Variants in RBFOX1 observed in about 807,000 individuals in gnomAD.
RBFOX1 encodes RNA binding protein fox-1 homolog 1.
Under a neutral mutation model 57.7 loss-of-function variants are expected in RBFOX1, and 8 were observed. The observed-to-expected ratio is 0.14, with a 90% CI of 0.08 to 0.25. The LOEUF is 0.25. Ranked by LOEUF, RBFOX1 falls within the 10% of genes least tolerant of loss-of-function variation. The pLI, the probability that RBFOX1 is intolerant of heterozygous loss-of-function variation, is 1.00. For missense variants in RBFOX1, 611 were observed against 548.5 expected (o/e 1.11, Z -1.14); for synonymous variants, 326 against 222.4 (o/e 1.47, Z -4.15).
intron 1 of RBFOX1, among the ~76,000 whole-genome samples, chr16:6,205,274 A>G (rs2097247302): frequency 6.6e-6 from 1 of 152,188 alleles, no homozygotes; most frequent in Admixed American, 6.5e-5. Flanking sequence ...AATGTTGCCT[A>G]GAAGAAAGGG....
chr16:7,276,649 G>A (rs1944761178), intron 4 of RBFOX1, among the ~76,000 whole-genome samples: 1 of 149,950 alleles, frequency 6.7e-6, no homozygotes, highest in African/African-American at 2.4e-5. Context: ...CAAATTCCTG[G>A]GCAGGTTACC....
At chr16:7,021,435 T>C (rs1382074434) in intron 3 of RBFOX1, among the ~76,000 whole-genome samples, 2 of 146,394 alleles carry the variant, frequency 1.4e-5, no homozygotes, top group Non-Finnish European at 3.0e-5. Context: ...TTTGTATATA[T>C]GTTTTATATA....
chr16:5,304,560 C>G (rs1290636483), intron 1 of RBFOX1, among the ~76,000 whole-genome samples: 2 of 152,198 alleles, frequency 1.3e-5, no homozygotes, highest in Admixed American at 6.5e-5. Context: ...TGTGTTCACC[C>G]ATTCATTCAT....
intron 10 of RBFOX1, among the ~76,000 whole-genome samples, chr16:7,630,397 C>T (rs2060755995): frequency 6.7e-6 from 1 of 148,372 alleles, no homozygotes; most frequent in South Asian, 2.3e-4. Context: ...ATGACGTGTG[C>T]TTGGTGGGCC....
chr16:7,555,722 T>A (rs2088181504), intron 5 of RBFOX1, among the ~76,000 whole-genome samples: 1 of 152,148 alleles, frequency 6.6e-6, no homozygotes, highest in Non-Finnish European at 1.5e-5. Context: ...GACTGGGCTA[T>A]TATTGCCTGA....
intron 1 of RBFOX1, among the ~76,000 whole-genome samples, chr16:6,024,078 C>G (rs968912822): frequency 4.6e-5 from 7 of 152,096 alleles, no homozygotes; most frequent in African/African-American, 1.7e-4. Flanking sequence ...AATCTGTAGT[C>G]ATTGTGAGCA....
At chr16:5,577,322 C>T (rs138662182) in intron 2 of RBFOX1, among the ~76,000 whole-genome samples, 126 of 152,288 alleles carry the variant, frequency 8.3e-4, no homozygotes, top group African/African-American at 2.8e-3. Context: ...TCAAGCTCTT[C>T]CTTCAGTTTG....
At chr16:6,745,947 T>C (rs1450453857) in intron 3 of RBFOX1, among the ~76,000 whole-genome samples, 1 of 152,236 alleles carries the variant, frequency 6.6e-6, no homozygotes, top group Non-Finnish European at 1.5e-5. Context: ...GGATGCAGTA[T>C]CAATATATGT....
intron 3 of RBFOX1, among the ~76,000 whole-genome samples, chr16:6,982,891 G>A (rs925265061): frequency 2.0e-4 from 30 of 150,452 alleles, no homozygotes; most frequent in African/African-American, 7.1e-4. Context: ...TACTTGGGAG[G>A]CTGAGGCAGG....
At chr16:7,120,192 T>C (rs1188913478) in intron 4 of RBFOX1, among the ~76,000 whole-genome samples, 1 of 151,994 alleles carries the variant, frequency 6.6e-6, no homozygotes, top group African/African-American at 2.4e-5. Context: ...AAGCAGTGCT[T>C]AGAGGGAAAT....
At chr16:6,458,846 C>T (rs1172925992) in intron 2 of RBFOX1, among the ~76,000 whole-genome samples, 1 of 152,316 alleles carries the variant, frequency 6.6e-6, no homozygotes, top group South Asian at 2.1e-4. Context: ...CCTTGCAATA[C>T]TTGATTCCAG....
At chr16:7,461,716 C>G (rs1229269692) in intron 4 of RBFOX1, among the ~76,000 whole-genome samples, 1 of 152,180 alleles carries the variant, frequency 6.6e-6, no homozygotes, top group East Asian at 1.9e-4. Flanking sequence ...TAATCCACAT[C>G]CAGCAGGAGA....
intron 2 of RBFOX1, among the ~76,000 whole-genome samples, chr16:5,554,688 C>G (rs1448894743): frequency 6.6e-6 from 1 of 152,144 alleles, no homozygotes. Flanking sequence ...GTATTGCAAC[C>G]TATTCCCAGA....
At chr16:5,629,312 C>G (rs2048434686) in intron 3 of RBFOX1, among the ~76,000 whole-genome samples, 1 of 152,186 alleles carries the variant, frequency 6.6e-6, no homozygotes, top group Non-Finnish European at 1.5e-5. Context: ...GGCTCAGGTG[C>G]TAGTCGCTCA....
chr16:5,660,213 C>T lies in RBFOX1; in HGVS notation c.318+61252C>T, dbSNP rs981062690. ...ATGATGTTTAGAGTCAAGGTTGTTTCGTTGAGTGTCTGGTATTAAATGGTA... is the reference window on the plus strand; with the variant it reads ...ATGATGTTTAGAGTCAAGGTTGTTTTGTTGAGTGTCTGGTATTAAATGGTA... On this transcript the variant is annotated intron_variant, in intron 3 of 19. Transcript: ENST00000641259. Among the ~76,000 whole-genome samples, 7 of 152,074 alleles carry T rather than the reference C, an allele frequency of 4.6e-5. No homozygotes were observed. The South Asian group carries it at 1.2e-3, about 27-fold the overall frequency.
chr16:7,388,484 A>C (rs1194149348), intron 4 of RBFOX1, among the ~76,000 whole-genome samples: 1 of 151,988 alleles, frequency 6.6e-6, no homozygotes, highest in East Asian at 1.9e-4. Flanking sequence ...CCTTTTTATC[A>C]TCTCTCTGCC....
At chr16:5,571,094 C>T (rs973458178) in intron 2 of RBFOX1, among the ~76,000 whole-genome samples, 1 of 151,986 alleles carries the variant, frequency 6.6e-6, no homozygotes, top group Non-Finnish European at 1.5e-5. Context: ...CTGAAGATCC[C>T]CTGATCACTC....
At chr16:7,321,772 G>C (rs1200898539) in intron 4 of RBFOX1, among the ~76,000 whole-genome samples, 1 of 152,244 alleles carries the variant, frequency 6.6e-6, no homozygotes, top group Non-Finnish European at 1.5e-5. Flanking sequence ...AGGTCACTCA[G>C]AGTGGTTCCT....
chr16:5,355,961 C>T (rs148023527), intron 1 of RBFOX1, among the ~76,000 whole-genome samples: 23 of 152,194 alleles, frequency 1.5e-4, no homozygotes, highest in Non-Finnish European at 2.2e-4. Context: ...CATGGTGGCC[C>T]GTGCCTGTAA....
Sources: gnomAD v4.1 joint callset for allele counts (sites outside exome capture counted in the v4.1 genomes callset) on GRCh38, gnomAD v4.1.1 for gene constraint, MANE v1.5 for transcripts, NCBI Gene and HGNC (gene_info 2026-07-23, HGNC 2026-07-21) for gene names.